The following PLXNC1 variants were observed in gnomAD, a reference collection of about 807,000 sequenced individuals.
PLXNC1 encodes plexin-C1.
Under a neutral mutation model 178.2 loss-of-function variants are expected in PLXNC1, and 75 were observed. The ratio of observed to expected loss-of-function variants is 0.42; its 90% confidence interval spans 0.35 to 0.51. PLXNC1 has a LOEUF of 0.51. Ranked by LOEUF, PLXNC1 falls within the 20% of genes least tolerant of loss-of-function variation. The pLI is 0.02. For missense variants in PLXNC1, 1,503 were observed against 1,984.4 expected, an observed-to-expected ratio of 0.76 and a Z score of 4.61; for synonymous variants, 790 against 779.9, an observed-to-expected ratio of 1.01 and a Z score of -0.22.
chr12:94,200,732 T>C (rs949818089), intron 4 of PLXNC1, among the ~76,000 whole-genome samples: 1 of 152,222 alleles, frequency 6.6e-6, no homozygotes, highest in Non-Finnish European at 1.5e-5. Flanking sequence ...CCTAAATTAT[T>C]TAGTTCATGG....
At chr12:94,297,545 G>T (rs989898735) in intron 26 of PLXNC1, 122 bp downstream of exon 26, 1 of 680,668 alleles carries the variant, frequency 1.5e-6, no homozygotes. Flanking sequence ...AAAGCAAAAT[G>T]AAAGTTTAAA....
chr12:94,275,190 C>T (rs1965840278), intron 21 of PLXNC1, among the ~76,000 whole-genome samples: 1 of 152,210 alleles, frequency 6.6e-6, no homozygotes, highest in South Asian at 2.1e-4. Flanking sequence ...GTGATAGTCA[C>T]TGATGGGTGA....
intron 4 of PLXNC1, among the ~76,000 whole-genome samples, chr12:94,195,781 C>T (rs1365542582): frequency 6.6e-6 from 1 of 152,202 alleles, no homozygotes; most frequent in Non-Finnish European, 1.5e-5. Context: ...GGTCTAACAG[C>T]AGGGCCCTGT....
chr12:94,208,048 G>C (rs939566341), intron 4 of PLXNC1, among the ~76,000 whole-genome samples: 1 of 152,094 alleles, frequency 6.6e-6, no homozygotes, highest in Non-Finnish European at 1.5e-5. Context: ...TCGTCATTCT[G>C]TTTTTCAATC....
chr12:94,155,576 A>G (rs1020340855), intron 1 of PLXNC1, among the ~76,000 whole-genome samples: 3 of 152,174 alleles, frequency 2.0e-5, no homozygotes, highest in Non-Finnish European at 4.4e-5. Context: ...ACCACCTGAT[A>G]TTCCTTATTC....
At chr12:94,240,418 C>A in intron 10 of PLXNC1, 67 bp from the exon 11 acceptor site, 1 of 1,207,436 alleles carries the variant, frequency 8.3e-7, no homozygotes. Flanking sequence ...CATTTGCTGT[C>A]ACCTTGGGTA....
chr12:94,194,529 G>T (rs1429714709), intron 4 of PLXNC1, among the ~76,000 whole-genome samples: 1 of 152,196 alleles, frequency 6.6e-6, no homozygotes, highest in Non-Finnish European at 1.5e-5. Context: ...CGAGTTGGGT[G>T]AATCACTTGA....
intron 6 of PLXNC1, among the ~76,000 whole-genome samples, chr12:94,223,259 A>G (rs1963844679): frequency 2.0e-5 from 3 of 152,346 alleles, no homozygotes; most frequent in Middle Eastern, 3.4e-3. Context: ...ACTAAAATAA[A>G]TAAATAAACA....
At chr12:94,227,559 T>C (rs1963981008) in intron 9 of PLXNC1, 1 of 248,014 alleles carries the variant, frequency 4.0e-6, no homozygotes, top group South Asian at 5.1e-5. Context: ...GATTTCAACT[T>C]GCACTTTATA....
chr12:94,239,358 A>G (rs1385139542), intron 10 of PLXNC1, among the ~76,000 whole-genome samples: 2 of 152,148 alleles, frequency 1.3e-5, no homozygotes, highest in Admixed American at 6.6e-5. Context: ...TGAAATTTAT[A>G]AACAAGTTTG....
chr12:94,262,484 C>G, intron 20 of PLXNC1: 1 of 985,506 alleles, frequency 1.0e-6, no homozygotes, highest in Non-Finnish European at 1.2e-6. Flanking sequence ...CGAGCCCAAA[C>G]AGCCTCCTTG....
chr12:94,275,609 T>G (rs1352193835), intron 21 of PLXNC1, among the ~76,000 whole-genome samples: 1 of 86,060 alleles, frequency 1.2e-5, no homozygotes, highest in East Asian at 3.3e-4. Flanking sequence ...ATCCCAGCAC[T>G]TTGGGAGGCC....
chr12:94,251,552 C>G (rs528669950), intron 15 of PLXNC1, 24 bp downstream of exon 15: 1 of 1,451,620 alleles, frequency 6.9e-7, no homozygotes, highest in South Asian at 1.1e-5. Context: ...TTAATTTTGT[C>G]AGAGAAATTA....
At chr12:94,209,818 G>A (rs1963412607) in intron 5 of PLXNC1, 114 bp downstream of exon 5, 3 of 665,574 alleles carry the variant, frequency 4.5e-6, no homozygotes, top group Non-Finnish European at 8.0e-6. Context: ...CTTAGTGATA[G>A]CACTCCATTC....
intron 24 of PLXNC1, 75 bp from the exon 25 acceptor site, chr12:94,297,114 T>A (rs1365926404): frequency 8.2e-6 from 12 of 1,469,628 alleles, no homozygotes; most frequent in Non-Finnish European, 1.0e-5. Context: ...ATGGGGCCTT[T>A]TAAGAGAAGG....
chr12:94,149,114 C>T lies in PLXNC1; in HGVS notation c.143C>T (p.Ala48Val). The change falls in exon 1 of 31, where the codon GCC (alanine) becomes GTC (valine). Residue 48 changes from alanine to valine, a missense_variant. Coordinates refer to ENST00000258526, the MANE Select transcript of PLXNC1 (RefSeq NM_005761.3). ...PVWRSEQAIG[A>V]IAASQEDGVF... is the part of the protein sequence containing the mutation. ...TGGCGGTCGGAGCAAGCCATCGGAGCCATCGCGGCGAGCCAGGAGGACGGC... is the reference window on the plus strand; with the variant it reads ...TGGCGGTCGGAGCAAGCCATCGGAGTCATCGCGGCGAGCCAGGAGGACGGC... 1 of 1,586,824 alleles carries T rather than the reference C, an allele frequency of 6.3e-7. No individual in the cohort carries two copies. The highest frequency in any genetic ancestry group is 8.5e-7 in the Non-Finnish European group (1 of 1,172,118).
At chr12:94,179,039 A>G (rs371971528) in intron 2 of PLXNC1, among the ~76,000 whole-genome samples, 3 of 152,236 alleles carry the variant, frequency 2.0e-5, no homozygotes, top group Non-Finnish European at 1.5e-5. Context: ...GCTTGGCCCA[A>G]GCAGATGATG....
intron 23 of PLXNC1, among the ~76,000 whole-genome samples, chr12:94,286,469 T>G: frequency 6.6e-6 from 1 of 152,134 alleles, no homozygotes. Flanking sequence ...TTGACAGGGC[T>G]GGGCTGAAGT....
At chr12:94,236,091 A>G (rs576368585) in intron 9 of PLXNC1, among the ~76,000 whole-genome samples, 2 of 152,348 alleles carry the variant, frequency 1.3e-5, no homozygotes, top group South Asian at 2.1e-4. Flanking sequence ...AATTTCCCCC[A>G]TAAAATGCAG....
Sources: allele counts gnomAD v4.1 joint callset (sites outside exome capture counted in the v4.1 genomes callset), GRCh38; gene constraint gnomAD v4.1.1; transcripts MANE v1.5; gene names NCBI Gene and HGNC (gene_info 2026-07-23, HGNC 2026-07-21).